Variants in PDGFRA observed in about 807,000 individuals in gnomAD.
PDGFRA encodes the protein platelet derived growth factor receptor alpha.
Under a neutral mutation model 121.5 loss-of-function variants are expected in PDGFRA, and 25 were observed. That is an observed-to-expected ratio of 0.21 (90% confidence interval 0.15 to 0.29). PDGFRA has a LOEUF of 0.29. PDGFRA is among the 10% of genes least tolerant of loss of function. The pLI is 1.00. For missense variants in PDGFRA, 1,008 were observed against 1,345.1 expected, an observed-to-expected ratio of 0.75 and a Z score of 3.92; for synonymous variants, 463 against 494.8, an observed-to-expected ratio of 0.94 and a Z score of 0.85.
intron 1 of PDGFRA, among the ~76,000 whole-genome samples, chr4:54,256,046 C>T (rs1468116825): frequency 6.6e-6 from 1 of 151,866 alleles, no homozygotes; most frequent in Admixed American, 6.6e-5. Context: ...CATTTGTAGT[C>T]ACAGGATGAG....
intron 4 of PDGFRA, 63 bp from the exon 5 acceptor site, chr4:54,264,856 A>G: frequency 6.7e-7 from 1 of 1,488,708 alleles, no homozygotes; most frequent in African/African-American, 1.4e-5. Context: ...AAAAAACCCA[A>G]ACTTTATAAG....
chr4:54,270,315 T>G (rs1292725118), intron 7 of PDGFRA, among the ~76,000 whole-genome samples: 2 of 152,232 alleles, frequency 1.3e-5, no homozygotes, highest in African/African-American at 4.8e-5. Context: ...GTTTTTATTT[T>G]TTATTTTTTT....
intron 17 of PDGFRA, 33 bp downstream of exon 17, chr4:54,285,519 C>G: frequency 1.1e-6 from 1 of 932,780 alleles, no homozygotes; most frequent in Non-Finnish European, 1.8e-6. Flanking sequence ...TTTTTAGACC[C>G]AGATTTCAGT....
At chr4:54,244,404 G>T (rs1271427369) in intron 1 of PDGFRA, among the ~76,000 whole-genome samples, 1 of 152,218 alleles carries the variant, frequency 6.6e-6, no homozygotes, top group Admixed American at 6.5e-5. Context: ...AGCATTTGCG[G>T]TTCACGAAAA....
Position 54,296,367 on chromosome 4 carries a change from G to T in PDGFRA, c.*1095G>T. ...CAGCAAAAAGACTGGATTTGCAGAAGTTTTTTTTTTTTTTTTCTTCATGCC... is the reference window on the plus strand; with the variant it reads ...CAGCAAAAAGACTGGATTTGCAGAATTTTTTTTTTTTTTTTTCTTCATGCC... On this transcript the variant is annotated 3_prime_UTR_variant, in exon 23 of 23. Transcript: ENST00000257290. 4.7e-6 allele frequency: 1 copy of T among 210,750 alleles called. No individual in the cohort carries two copies. Among genetic ancestry groups the T allele is most frequent in the Non-Finnish European group, 9.4e-6 (1 of 106,868 alleles). The allele number at this position is 210,750 out of a possible 1,614,324, so 13.1% of individuals were successfully genotyped here. A position where few individuals can be genotyped will look rare whatever the true frequency, so the allele number is the denominator to read the frequency against.
chr4:54,267,245 G>C, intron 5 of PDGFRA, 44 bp from the exon 6 acceptor site: 1 of 1,585,808 alleles, frequency 6.3e-7, no homozygotes, highest in Non-Finnish European at 8.7e-7. Context: ...TCACTCCTAG[G>C]AGCGAGCTTT....
At chr4:54,241,872 C>T (rs932406668) in intron 1 of PDGFRA, among the ~76,000 whole-genome samples, 2 of 152,148 alleles carry the variant, frequency 1.3e-5, no homozygotes, top group African/African-American at 2.4e-5. Flanking sequence ...ATATATAATA[C>T]TCTATCTAAA....
chr4:54,269,689 C>A (rs956541297), intron 7 of PDGFRA, among the ~76,000 whole-genome samples: 1 of 144,452 alleles, frequency 6.9e-6, no homozygotes, highest in African/African-American at 2.6e-5. Flanking sequence ...GTCACCCAGG[C>A]TGGAGTGCAG....
At chr4:54,256,594 G>A (rs1335186685) in intron 1 of PDGFRA, among the ~76,000 whole-genome samples, 2 of 151,622 alleles carry the variant, frequency 1.3e-5, no homozygotes, top group Non-Finnish European at 2.9e-5. Context: ...GCCCACACTG[G>A]AGTGCAATGG....
At chr4:54,238,964 C>A (rs988109235) in intron 1 of PDGFRA, among the ~76,000 whole-genome samples, 4 of 151,942 alleles carry the variant, frequency 2.6e-5, no homozygotes, top group African/African-American at 4.8e-5. Context: ...TGGAATAAGA[C>A]CCTGTCTCAA....
chr4:54,233,415 G>C (rs1720814241), intron 1 of PDGFRA, among the ~76,000 whole-genome samples: 2 of 152,228 alleles, frequency 1.3e-5, no homozygotes, highest in African/African-American at 4.8e-5. Context: ...CAGGAGCCTG[G>C]GCTGCGGGCG....
intron 14 of PDGFRA, 159 bp from the exon 15 acceptor site, chr4:54,278,203 A>G: frequency 1.4e-6 from 1 of 718,438 alleles, no homozygotes; most frequent in Non-Finnish European, 2.3e-6. Context: ...GTCCAGTCAT[A>G]GCCATTCATG....
intron 1 of PDGFRA, among the ~76,000 whole-genome samples, chr4:54,232,183 A>AG (rs2110164962): frequency 6.6e-6 from 1 of 152,082 alleles, no homozygotes; most frequent in East Asian, 1.9e-4. Flanking sequence ...TGTGGGTCTC[A>AG]GGGTTCCCCG....
chr4:54,281,470 C>A, intron 16 of PDGFRA: 1 of 620,632 alleles, frequency 1.6e-6, no homozygotes, highest in Non-Finnish European at 2.5e-6. Flanking sequence ...TTCTCATTGC[C>A]AAATGGGTGA....
rs149108019 is a variant in PDGFRA, at chr4:54,270,953, G to A, written c.1237+205G>A. Among the ~76,000 whole-genome samples the A allele has an allele frequency of 8.7e-4, 133 of 152,234 alleles. 1 individual carries two copies. The highest frequency in any genetic ancestry group is 2.9e-3 in the African/African-American group (121 of 41,532). On this transcript the variant is annotated intron_variant, in intron 8 of 22. Transcript: ENST00000257290. ...GGTTCTGGGTTACTCTAGAGTAGGCGAGGAATCCCTAGGCTCCACCAGCTA... is the reference window on the plus strand; with the variant it reads ...GGTTCTGGGTTACTCTAGAGTAGGCAAGGAATCCCTAGGCTCCACCAGCTA...
intron 12 of PDGFRA, among the ~76,000 whole-genome samples, chr4:54,275,423 T>C (rs2110302382): frequency 6.6e-6 from 1 of 152,354 alleles, no homozygotes; most frequent in Admixed American, 6.5e-5. Context: ...TATAGGTACA[T>C]TTTGAGGCAA....
At position 54,295,963 on chromosome 4, in the gene PDGFRA, G is replaced by A. The variant is rs117287047; in HGVS notation, c.*691G>A. On this transcript the variant is annotated 3_prime_UTR_variant, in exon 23 of 23. Transcript: ENST00000257290. Reference sequence around the variant, plus strand: ...TACTGTTATCAGTAATGCTAAATGTGTAATAATGTAACATGATTTCCCTCC... The same window carrying A: ...TACTGTTATCAGTAATGCTAAATGTATAATAATGTAACATGATTTCCCTCC... 99 of 232,828 alleles carry A rather than the reference G, an allele frequency of 4.3e-4. 1 individual carries two copies. The East Asian group carries it at 6.0e-3, about 14-fold the overall frequency. The allele number at this position is 232,828 out of a possible 1,614,324, so 14.4% of individuals were successfully genotyped here.
At chr4:54,243,915 C>T (rs888755364) in intron 1 of PDGFRA, among the ~76,000 whole-genome samples, 4 of 152,156 alleles carry the variant, frequency 2.6e-5, no homozygotes, top group African/African-American at 9.7e-5. Flanking sequence ...GAGATTATAT[C>T]CCGCACATGG....
intron 22 of PDGFRA, among the ~76,000 whole-genome samples, chr4:54,291,068 T>G (rs1364239932): frequency 6.6e-6 from 1 of 152,192 alleles, no homozygotes; most frequent in African/African-American, 2.4e-5. Flanking sequence ...CCTGGCTGAT[T>G]TGTTTCTTCT....
Sources: allele counts gnomAD v4.1 joint callset (sites outside exome capture counted in the v4.1 genomes callset), GRCh38; gene constraint gnomAD v4.1.1; transcripts MANE v1.5; gene names NCBI Gene and HGNC (gene_info 2026-07-23, HGNC 2026-07-21).